Variants in CNTNAP2 observed in about 807,000 individuals in gnomAD.
CNTNAP2 encodes contactin associated protein 2, also known as contactin-associated protein-like 2.
A neutral mutation model predicts 155.2 loss-of-function variants in CNTNAP2; 98 were observed. That is an observed-to-expected ratio of 0.63 (90% CI 0.54 to 0.75). The LOEUF (loss-of-function observed/expected upper bound fraction) is 0.75. CNTNAP2 is among the 30% of genes least tolerant of loss of function. The probability of loss-of-function intolerance (pLI) is 0.00; values close to 1 mark genes in which losing one functional copy is unlikely to be tolerated. For synonymous variants in CNTNAP2, 651 were observed against 631.2 expected (o/e 1.03, Z -0.47); for missense variants, 1,727 against 1,688.1 (o/e 1.02, Z -0.40).
intron 22 of CNTNAP2, among the ~76,000 whole-genome samples, chr7:148,406,046 CACG>C (rs1279075918): frequency 6.6e-6 from 1 of 151,826 alleles, no homozygotes; most frequent in East Asian, 2.0e-4. Flanking sequence ...TCTTGGATAA[CACG>C]GTGAAACCCC....
chr7:147,850,108 C>T (rs919515996), intron 13 of CNTNAP2: 1 of 152,044 alleles, frequency 6.6e-6, no homozygotes, highest in Non-Finnish European at 1.5e-5. Context: ...TTTACTTGAG[C>T]AAAAAGAAAT....
chr7:147,975,014 T>A (rs185616520), intron 14 of CNTNAP2, among the ~76,000 whole-genome samples: 6 of 151,604 alleles, frequency 4.0e-5, no homozygotes, highest in Middle Eastern at 3.5e-3. Context: ...ATTATACAAT[T>A]TTTTGTATTA....
At chr7:147,707,702 A>G (rs1029824625) in intron 13 of CNTNAP2, among the ~76,000 whole-genome samples, 1 of 152,200 alleles carries the variant, frequency 6.6e-6, no homozygotes, top group Non-Finnish European at 1.5e-5. Context: ...GGGCAGCAGC[A>G]TGGAATGGGT....
chr7:148,331,301 ATG>A (rs1798003557), intron 21 of CNTNAP2, among the ~76,000 whole-genome samples: 1 of 149,012 alleles, frequency 6.7e-6, no homozygotes, highest in Non-Finnish European at 1.5e-5. Flanking sequence ...GATGGAGTGG[ATG>A]GATGGAGTGG....
At chr7:147,770,776 T>C (rs1029736462) in intron 13 of CNTNAP2, among the ~76,000 whole-genome samples, 1 of 152,162 alleles carries the variant, frequency 6.6e-6, no homozygotes, top group African/African-American at 2.4e-5. Context: ...ATGTTACTCT[T>C]CCAAAATTGA....
At chr7:148,165,302 G>A (rs182064915) in intron 17 of CNTNAP2, among the ~76,000 whole-genome samples, 15 of 152,166 alleles carry the variant, frequency 9.9e-5, no homozygotes, top group Non-Finnish European at 1.9e-4. Context: ...TATTGGATTA[G>A]GTCTCACCTT....
At chr7:146,578,129 C>T (rs1371769966) in intron 1 of CNTNAP2, among the ~76,000 whole-genome samples, 1 of 152,010 alleles carries the variant, frequency 6.6e-6, no homozygotes, top group East Asian at 1.9e-4. Flanking sequence ...TTTAAAGTAT[C>T]GCTAAGTTAT....
chr7:147,176,429 T>C (rs1440390359), intron 8 of CNTNAP2, among the ~76,000 whole-genome samples: 9 of 151,882 alleles, frequency 5.9e-5, no homozygotes, highest in Non-Finnish European at 1.0e-4. Context: ...TATGATAATT[T>C]AGATATTGTG....
intron 13 of CNTNAP2, among the ~76,000 whole-genome samples, chr7:147,735,540 A>G (rs1469686935): frequency 6.6e-6 from 1 of 152,122 alleles, no homozygotes. Flanking sequence ...TATTAGGTCC[A>G]CTTGGTGCAG....
At chr7:146,466,608 A>T (rs1032172748) in intron 1 of CNTNAP2, among the ~76,000 whole-genome samples, 2 of 151,758 alleles carry the variant, frequency 1.3e-5, no homozygotes, top group Admixed American at 6.6e-5. Context: ...AACAATATTT[A>T]TTCTAGATTC....
At chr7:146,516,979 G>A (rs1183189911) in intron 1 of CNTNAP2, among the ~76,000 whole-genome samples, 1 of 151,950 alleles carries the variant, frequency 6.6e-6, no homozygotes, top group Non-Finnish European at 1.5e-5. Flanking sequence ...CATTCTCAGA[G>A]TTTTAGTTAC....
At chr7:147,442,455 A>C (rs902019810) in intron 10 of CNTNAP2, among the ~76,000 whole-genome samples, 2 of 152,278 alleles carry the variant, frequency 1.3e-5, no homozygotes, top group Non-Finnish European at 2.9e-5. Context: ...TCCAGGAGCC[A>C]AGTGCTGGAA....
intron 3 of CNTNAP2, among the ~76,000 whole-genome samples, chr7:146,946,892 A>C (rs1797188050): frequency 6.6e-6 from 1 of 152,138 alleles, no homozygotes; most frequent in Admixed American, 6.6e-5. Flanking sequence ...ATAATTGAAA[A>C]AGAGCAAATA....
intron 1 of CNTNAP2, among the ~76,000 whole-genome samples, chr7:146,601,810 G>T (rs1025935136): frequency 6.6e-5 from 10 of 151,944 alleles, no homozygotes; most frequent in Non-Finnish European, 1.5e-5. Context: ...ATAGGAAATG[G>T]TATGAATGCA....
chr7:146,318,646 G>C lies in CNTNAP2; in HGVS notation c.97+201673G>C, dbSNP rs144354277. Among the ~76,000 whole-genome samples the C allele has an allele frequency of 1.5e-3, 224 of 152,144 alleles. 4 individuals carry two copies. In the East Asian group the frequency reaches 0.019, roughly 13 times the overall value. ...AATGCAGGTATATGTAAAAGAAACAGATCTTGTTTCAAGAGAGAAGATACG... is the reference window on the plus strand; with the variant it reads ...AATGCAGGTATATGTAAAAGAAACACATCTTGTTTCAAGAGAGAAGATACG... On this transcript the variant is annotated intron_variant, in intron 1 of 23. Transcript: ENST00000361727.
intron 1 of CNTNAP2, among the ~76,000 whole-genome samples, chr7:146,142,371 G>A (rs937146500): frequency 6.6e-6 from 1 of 152,162 alleles, no homozygotes; most frequent in Non-Finnish European, 1.5e-5. Flanking sequence ...TGCCCCTTCA[G>A]TGAGGCATCT....
At chr7:147,563,420 A>C (rs12537152) in intron 12 of CNTNAP2, among the ~76,000 whole-genome samples, 36,129 of 151,852 alleles carry the variant, frequency 0.24, 5,154 homozygotes, top group Non-Finnish European at 0.32. Context: ...CATGAGGTCA[A>C]GAGGTCGAGA....
chr7:147,172,611 G>T (rs976424508), intron 8 of CNTNAP2, among the ~76,000 whole-genome samples: 9 of 151,876 alleles, frequency 5.9e-5, no homozygotes, highest in Non-Finnish European at 1.3e-4. Flanking sequence ...ATATGCCATT[G>T]TTCAGGTAAT....
At chr7:147,526,185 C>T (rs1190638193) in intron 11 of CNTNAP2, among the ~76,000 whole-genome samples, 1 of 146,278 alleles carries the variant, frequency 6.8e-6, no homozygotes, top group Non-Finnish European at 1.5e-5. Flanking sequence ...GAGTGAGACT[C>T]CATCTCAAAA....
Sources: allele counts gnomAD v4.1 joint callset (sites outside exome capture counted in the v4.1 genomes callset), GRCh38; gene constraint gnomAD v4.1.1; transcripts MANE v1.5; gene names NCBI Gene and HGNC (gene_info 2026-07-23, HGNC 2026-07-21).